PEPD: variants seen among roughly 807,000 people sequenced by gnomAD.
PEPD encodes xaa-Pro dipeptidase.
PEPD carries 53 observed loss-of-function variants against 60.7 expected under a neutral mutation model. The observed-to-expected ratio is 0.87, with a 90% CI of 0.70 to 1.10. The LOEUF (loss-of-function observed/expected upper bound fraction) is 1.10. Among genes scored for constraint, PEPD ranks in the 50% least tolerant of loss-of-function variants. The probability of loss-of-function intolerance (pLI) is 0.00; values close to 1 mark genes in which losing one functional copy is unlikely to be tolerated. For synonymous variants in PEPD, 267 were observed against 284.1 expected (o/e 0.94, Z 0.60); for missense variants, 711 against 711.9 (o/e 1.00, Z 0.01).
chr19:33,488,399 A>T (rs1970435845), intron 6 of PEPD, among the ~76,000 whole-genome samples: 1 of 152,094 alleles, frequency 6.6e-6, no homozygotes, highest in South Asian at 2.1e-4. Flanking sequence ...CAGAGGCCAT[A>T]GAGAGGTTCC....
rs114482891 is a variant in PEPD at position 33,481,274 on chromosome 19, T to C, written c.504-3184A>G. On this transcript the variant is annotated intron_variant, in intron 6 of 14. Coordinates refer to ENST00000244137, the MANE Select transcript of PEPD (RefSeq NM_000285.4). ...CAAACTATTAAATTGATATAAGAAA[T>C]AGAAAATCTAGGCTGGGCGCAGTGG... 4.0e-3 allele frequency among the ~76,000 whole-genome samples: 603 copies of C among 152,262 alleles called. 2 individuals carry two copies. Among genetic ancestry groups the C allele is most frequent in the African/African-American group, 0.014 (577 of 41,552 alleles).
intron 3 of PEPD, among the ~76,000 whole-genome samples, chr19:33,503,301 T>C (rs1394525696): frequency 2.0e-5 from 3 of 152,216 alleles, no homozygotes; most frequent in African/African-American, 7.2e-5. Context: ...CAGCCCACAA[T>C]GCCCTTTGCT....
intron 9 of PEPD, among the ~76,000 whole-genome samples, chr19:33,435,535 C>T (rs1969358131): frequency 6.6e-6 from 1 of 152,204 alleles, no homozygotes; most frequent in Non-Finnish European, 1.5e-5. Flanking sequence ...GGACAACAGC[C>T]CCTCCAGAAC....
intron 9 of PEPD, among the ~76,000 whole-genome samples, chr19:33,459,823 T>G (rs1366380140): frequency 6.6e-6 from 1 of 152,138 alleles, no homozygotes; most frequent in Non-Finnish European, 1.5e-5. Flanking sequence ...CAGCCCTGAC[T>G]CCTGCCCCGA....
intron 7 of PEPD, among the ~76,000 whole-genome samples, chr19:33,470,298 C>CGTTTCCAGTGGCCTTTAG (rs1226218957): frequency 1.3e-5 from 2 of 152,108 alleles, no homozygotes; most frequent in Non-Finnish European, 2.9e-5. Flanking sequence ...GGCTTCCCCT[C>CGTTTCCAGTGGCCTTTAG]GTTTCCAGTG....
At chr19:33,436,713 A>C (rs1261319329) in intron 9 of PEPD, among the ~76,000 whole-genome samples, 1 of 152,230 alleles carries the variant, frequency 6.6e-6, no homozygotes, top group Non-Finnish European at 1.5e-5. Flanking sequence ...GAACTGAGCC[A>C]GCGCTCTGGG....
intron 1 of PEPD, among the ~76,000 whole-genome samples, chr19:33,516,284 C>T (rs1402999781): frequency 6.6e-6 from 1 of 152,190 alleles, no homozygotes; most frequent in African/African-American, 2.4e-5. Flanking sequence ...ACATCTCTAA[C>T]AGGTTTCTGC....
At chr19:33,448,105 A>G (rs1459820868) in intron 9 of PEPD, among the ~76,000 whole-genome samples, 4 of 152,218 alleles carry the variant, frequency 2.6e-5, no homozygotes. Context: ...CAGAGCTAGG[A>G]GGAGAAAAAC....
intron 9 of PEPD, among the ~76,000 whole-genome samples, chr19:33,423,277 C>G (rs375210632): frequency 2.3e-4 from 35 of 152,232 alleles, no homozygotes; most frequent in African/African-American, 7.7e-4. Context: ...GCTGTATGAG[C>G]AGCACCACAG....
chr19:33,438,803 C>T (rs912601785), intron 9 of PEPD, among the ~76,000 whole-genome samples: 2 of 152,256 alleles, frequency 1.3e-5, no homozygotes, highest in African/African-American at 2.4e-5. Flanking sequence ...GCAACCTCTG[C>T]CTCCCGGGTT....
At chr19:33,512,809 G>A (rs1419093105) in intron 1 of PEPD, 33 bp from the exon 2 acceptor site, 1 of 1,611,158 alleles carries the variant, frequency 6.2e-7, no homozygotes, top group Non-Finnish European at 8.5e-7. Context: ...CGCCACACAG[G>A]CCTCTGTTAG....
At chr19:33,457,858 C>CAGAA (rs1568481637) in intron 9 of PEPD, among the ~76,000 whole-genome samples, 21 of 151,848 alleles carry the variant, frequency 1.4e-4, no homozygotes, top group Admixed American at 3.3e-4. Context: ...AACAAGCAAA[C>CAGAA]AAAAAGAGAA....
chr19:33,403,324 C>G (rs1403460989), intron 11 of PEPD, among the ~76,000 whole-genome samples: 1 of 152,230 alleles, frequency 6.6e-6, no homozygotes, highest in African/African-American at 2.4e-5. Context: ...GAGCCCACCA[C>G]GTCTGCAGGG....
At chr19:33,501,664 G>A (rs376738079) in intron 3 of PEPD, among the ~76,000 whole-genome samples, 2 of 151,896 alleles carry the variant, frequency 1.3e-5, no homozygotes, top group Non-Finnish European at 2.9e-5. Context: ...GTGACAGAGC[G>A]AGACTCCATC....
intron 9 of PEPD, among the ~76,000 whole-genome samples, chr19:33,432,955 T>C (rs1175820164): frequency 1.3e-5 from 2 of 152,198 alleles, no homozygotes; most frequent in African/African-American, 4.8e-5. Flanking sequence ...AGCTAGCGGG[T>C]GTGGCTGGCC....
At chr19:33,477,930 CT>C (rs1340337015) in intron 7 of PEPD, 115 bp downstream of exon 7, 11 of 759,842 alleles carry the variant, frequency 1.4e-5, no homozygotes, top group Non-Finnish European at 2.4e-5. Flanking sequence ...GGAGAAGGTT[CT>C]GGGAATCTGC....
chr19:33,439,371 G>C (rs1393324681), intron 9 of PEPD, among the ~76,000 whole-genome samples: 1 of 152,236 alleles, frequency 6.6e-6, no homozygotes, highest in East Asian at 1.9e-4. Context: ...CTGAGGAGCA[G>C]CACCAGAGCC....
chr19:33,420,974 T>A (rs150383012), intron 9 of PEPD, among the ~76,000 whole-genome samples: 2,742 of 152,324 alleles, frequency 0.018, 37 homozygotes, highest in South Asian at 0.031. Context: ...GTCTCTTGCG[T>A]TGGCTGCTTC....
intron 9 of PEPD, among the ~76,000 whole-genome samples, chr19:33,431,983 A>G (rs1172549006): frequency 2.1e-5 from 3 of 142,386 alleles, no homozygotes; most frequent in African/African-American, 8.3e-5. Flanking sequence ...ACAGAGCAAG[A>G]CACCACCTCA....
Sources: gnomAD v4.1 joint callset for allele counts (sites outside exome capture counted in the v4.1 genomes callset) on GRCh38, gnomAD v4.1.1 for gene constraint, MANE v1.5 for transcripts, NCBI Gene and HGNC (gene_info 2026-07-23, HGNC 2026-07-21) for gene names.